TSPO2: variants seen among roughly 807,000 people sequenced by gnomAD.
The protein encoded by TSPO2 is benzodiazapine receptor (peripheral)-like 1.
TSPO2 carries 15 observed loss-of-function variants against 13.3 expected under a neutral mutation model. That is an observed-to-expected ratio of 1.13 (90% CI 0.75 to 1.73). The LOEUF is 1.73. Among genes scored for constraint, TSPO2 ranks in the 40% most tolerant of loss-of-function variants. The pLI is 0.00. For missense variants in TSPO2, 202 were observed against 198.3 expected (o/e 1.02, Z -0.11); for synonymous variants, 81 against 91.6 (o/e 0.88, Z 0.66).
At chr6:41,041,504 G>C (rs1317251239), upstream of TSPO2, among the ~76,000 whole-genome samples, 1 of 152,222 alleles carries the variant, frequency 6.6e-6, no homozygotes, top group Non-Finnish European at 1.5e-5. Context: ...TGGGGGCAGG[G>C]AGGGGCAGGG....
chr6:41,042,658 A>G lies in TSPO2; in HGVS notation c.-141A>G. ...ACCCGGGACCTGATCTCCAGGACTC[A>G]GAAGCACTTGGAGGAAGGCCTATTC... On this transcript the variant is annotated 5_prime_UTR_variant, in exon 1 of 4. Transcript: ENST00000373161. 1 of 518,294 alleles carries G rather than the reference A, an allele frequency of 1.9e-6. No individual in the cohort carries two copies. Among genetic ancestry groups the G allele is most frequent in the South Asian group, 1.5e-5 (1 of 65,060 alleles). The allele number at this position is 518,294 out of a possible 1,614,324, so 32.1% of individuals were successfully genotyped here.
upstream of TSPO2, among the ~76,000 whole-genome samples, chr6:41,041,805 A>G (rs896795653): frequency 2.0e-5 from 3 of 152,004 alleles, no homozygotes; most frequent in African/African-American, 7.2e-5. Flanking sequence ...GCAAAACCCC[A>G]TCTCTACTAA....
rs1297833069 is a variant in TSPO2, at chr6:41,044,165, G to A, written c.*28G>A. On this transcript the variant is annotated 3_prime_UTR_variant, in exon 4 of 4. Transcript: ENST00000373161. The stretch of plus-strand genomic sequence containing the variant: ...CCCTAGGGCATGGGAGAGGAGGGAC[G>A]CCCAGGGTGGGGAGGAAGAGTCTGC... 8.1e-6 allele frequency: 13 copies of A among 1,611,626 alleles called. No homozygotes were observed. The highest frequency in any genetic ancestry group is 2.2e-5 in the East Asian group (1 of 44,876).
chr6:41,043,811 C>A (rs566991951), intron 3 of TSPO2, 113 bp downstream of exon 3: 3 of 1,529,252 alleles, frequency 2.0e-6, no homozygotes, highest in African/African-American at 2.7e-5. Flanking sequence ...AATGGGTGGG[C>A]AGACTTCTCT....
At position 41,044,271 on chromosome 6, in the gene TSPO2, G is replaced by C; in HGVS notation, c.*134G>C. On this transcript the variant is annotated 3_prime_UTR_variant, in exon 4 of 4. Coordinates refer to ENST00000373161, the MANE Select transcript of TSPO2 (RefSeq NM_001010873.3). ...TGGTGCCGTTTTTCCTTAGAAATCA[G>C]AGAAATGGGAAAGGGGGGGAAACTG... 1.3e-6 allele frequency: 1 copy of C among 789,712 alleles called. No individual in the cohort carries two copies. Among genetic ancestry groups the C allele is most frequent in the South Asian group, 1.7e-5 (1 of 58,228 alleles). The allele number at this position is 789,712 out of a possible 1,614,324, so 48.9% of individuals were successfully genotyped here.
In TSPO2 at chr6:41,043,828, C is replaced by T. The variant is rs1182602178; in HGVS notation, c.316-112C>T. 3.9e-6 allele frequency: 6 copies of T among 1,526,010 alleles called. No homozygotes were observed. In the East Asian group the frequency reaches 9.1e-5, roughly 23 times the overall value. The allele number at this position is 1,526,010 out of a possible 1,614,324, so 94.5% of individuals were successfully genotyped here. ...TGGGTGGGCAGACTTCTCTGCACTCCCATGGTGTGCACAGAGCCCCAGGGA... is the reference window on the plus strand; with the variant it reads ...TGGGTGGGCAGACTTCTCTGCACTCTCATGGTGTGCACAGAGCCCCAGGGA... On this transcript the variant is annotated intron_variant, in intron 3 of 3. Coordinates refer to ENST00000373161, the MANE Select transcript of TSPO2 (RefSeq NM_001010873.3).
intron 3 of TSPO2, 95 bp from the exon 4 acceptor site, chr6:41,043,845 C>A: frequency 1.3e-6 from 2 of 1,529,410 alleles, no homozygotes; most frequent in South Asian, 1.2e-5. Context: ...GTGCACAGAG[C>A]CCCAGGGACT....
At position 41,043,598 on chromosome 6, in the gene TSPO2, T is replaced by C. The variant is rs1412312012; in HGVS notation, c.215T>C (p.Leu72Ser). The change falls in exon 3 of 4, where the codon TTG (leucine) becomes TCG (serine). Residue 72 changes from leucine to serine, a missense_variant. Physicochemically the swap from Leu to Ser is moderately radical, Grantham distance 145 (BLOSUM62 -2). Transcript: ENST00000373161. ...YLVWKDLGGG[L>S]GWPLALPLGL... ...GTGTGGAAGGACCTGGGAGGGGGCT[T>C]GGGGTGGCCCCTGGCCCTGCCTCTT... 1 of 1,612,076 alleles carries C rather than the reference T, an allele frequency of 6.2e-7. No homozygotes were observed. Among genetic ancestry groups the C allele is most frequent in the Admixed American group, 1.7e-5 (1 of 59,716 alleles).
chr6:41,043,084 C>A lies in TSPO2; in HGVS notation c.99C>A (p.Gly33=). The part of the protein sequence containing the change: ...TRDHMSGWCE[G]PRMLSWCPFY... The stretch of plus-strand genomic sequence containing the variant: ...ATCACATGTCTGGTTGGTGTGAGGG[C>A]CCGAGGATGCTGTCCTGGTGCCCAT... The change falls in exon 2 of 4, where the codon GGC becomes GGA. Residue 33 remains glycine, a synonymous_variant. Transcript: ENST00000373161. 1 of 1,614,154 alleles carries A rather than the reference C, an allele frequency of 6.2e-7. No individual in the cohort carries two copies. The highest frequency in any genetic ancestry group is 2.2e-5 in the East Asian group (1 of 44,868).
At position 41,044,253 on chromosome 6, in the gene TSPO2, G is replaced by C; in HGVS notation, c.*116G>C. ...CCACCCTCCTGGGTCCCCTGGTGCC[G>C]TTTTTCCTTAGAAATCAGAGAAATG... is the stretch of plus-strand genomic sequence containing the variant. On this transcript the variant is annotated 3_prime_UTR_variant, in exon 4 of 4. Coordinates refer to ENST00000373161, the MANE Select transcript of TSPO2 (RefSeq NM_001010873.3). 9.8e-7 allele frequency: 1 copy of C among 1,018,916 alleles called. No individual in the cohort carries two copies. 63.1% of individuals were successfully genotyped at this position (1,018,916 alleles called of 1,614,324 possible).
rs1762606964 is a variant in TSPO2 at position 41,042,754 on chromosome 6, C to G, written c.-45C>G. ...GAGGAGTGCTGTGGAGAAAAGAAGT[C>G]CATGGAAGCCAGGAGATGGGCAAGG... On this transcript the variant is annotated 5_prime_UTR_variant, in exon 1 of 4. Coordinates refer to ENST00000373161, the MANE Select transcript of TSPO2 (RefSeq NM_001010873.3). 1 of 683,582 alleles carries G rather than the reference C, an allele frequency of 1.5e-6. No homozygotes were observed. The highest frequency in any genetic ancestry group is 2.8e-5 in the East Asian group (1 of 35,500). The allele number at this position is 683,582 out of a possible 1,614,324, so 42.3% of individuals were successfully genotyped here.
rs145766723 is a variant in TSPO2 at position 41,042,485 on chromosome 6, G to A, written c.-314G>A. ...CTGGGACAGATGTGCTGCCGCATTC[G>A]TGACTAGAAAAGAGTCCCCAGGAAT... is the stretch of plus-strand genomic sequence containing the variant. On this transcript the variant is annotated 5_prime_UTR_variant, in exon 1 of 4. The change creates a new upstream start codon in the 5' untranslated region. Transcript: ENST00000373161. 202 of 341,642 alleles carry A rather than the reference G, an allele frequency of 5.9e-4. No homozygotes were observed. The highest frequency in any genetic ancestry group is 4.0e-3 in the African/African-American group (189 of 46,700). The allele number at this position is 341,642 out of a possible 1,614,324, so 21.2% of individuals were successfully genotyped here.
intron 3 of TSPO2, 50 bp downstream of exon 3, chr6:41,043,748 C>T (rs1430501508): frequency 1.5e-5 from 23 of 1,564,594 alleles, no homozygotes; most frequent in Non-Finnish European, 1.9e-5. Flanking sequence ...GAGGGTGAAA[C>T]CACCTGGCTC....
At chr6:41,043,458 A>G (rs1045882337) in intron 2 of TSPO2, 99 bp from the exon 3 acceptor site, 7 of 1,448,134 alleles carry the variant, frequency 4.8e-6, no homozygotes, top group Non-Finnish European at 6.5e-6. Flanking sequence ...CCCCCATTTC[A>G]GCCCACAAGG....
Position 41,042,624 on chromosome 6 carries a change from A to T in TSPO2, c.-175A>T. ...TGGCTAAGCGCTGCCCACTGCAGAA[A>T]AGCTCATCACCCGGGACCTGATCTC... is the stretch of plus-strand genomic sequence containing the variant. On this transcript the variant is annotated 5_prime_UTR_variant, in exon 1 of 4. Transcript: ENST00000373161. 2.1e-6 allele frequency: 1 copy of T among 474,538 alleles called. No homozygotes were observed. Among genetic ancestry groups the T allele is most frequent in the Non-Finnish European group, 4.2e-6 (1 of 240,246 alleles). 29.4% of individuals were successfully genotyped at this position (474,538 alleles called of 1,614,324 possible). A position where few individuals can be genotyped will look rare whatever the true frequency, so the allele number is the denominator to read the frequency against.
rs557368940 is a variant in TSPO2 at position 41,044,056 on chromosome 6, G to A, written c.432G>A (p.Val144=). 2.5e-6 allele frequency: 4 copies of A among 1,614,168 alleles called. No homozygotes were observed. The Admixed American group carries it at 6.7e-5, about 27-fold the overall frequency. The part of the protein sequence containing the change: ...LLLPYLAWLT[V]TSALTYHLWR... ...TGCCCTACCTAGCCTGGCTCACCGT[G>A]ACTTCAGCCCTCACCTACCACCTGT... Residue 144 remains valine, a synonymous_variant, in exon 4 of 4, where the codon GTG becomes GTA. Coordinates refer to ENST00000373161, the MANE Select transcript of TSPO2 (RefSeq NM_001010873.3).
upstream of TSPO2, among the ~76,000 whole-genome samples, chr6:41,041,696 C>G (rs545801784): frequency 6.6e-6 from 1 of 152,236 alleles, no homozygotes; most frequent in African/African-American, 2.4e-5. Flanking sequence ...TGGATTAGGG[C>G]CAGGCACAGT....
Position 41,042,479 on chromosome 6 carries a change from G to A in TSPO2, c.-320G>A, listed in dbSNP as rs1378713057. 2.1e-5 allele frequency: 7 copies of A among 341,302 alleles called. No homozygotes were observed. The highest frequency in any genetic ancestry group is 4.7e-5 in the South Asian group (2 of 42,976). 21.1% of individuals were successfully genotyped at this position (341,302 alleles called of 1,614,324 possible). A position where few individuals can be genotyped will look rare whatever the true frequency, so the allele number is the denominator to read the frequency against. ...ATAAGCCTGGGACAGATGTGCTGCC[G>A]CATTCGTGACTAGAAAAGAGTCCCC... On this transcript the variant is annotated 5_prime_UTR_variant, in exon 1 of 4. Transcript: ENST00000373161.
In TSPO2 at chr6:41,042,584, G is replaced by C. The variant is rs1762603713; in HGVS notation, c.-215G>C. The C allele has an allele frequency of 5.0e-6, 2 of 402,824 alleles. No homozygotes were observed. The highest frequency in any genetic ancestry group is 4.1e-5 in the African/African-American group (2 of 48,580). 25.0% of individuals were successfully genotyped at this position (402,824 alleles called of 1,614,324 possible). A position where few individuals can be genotyped will look rare whatever the true frequency, so the allele number is the denominator to read the frequency against. ...CTTAGGTAGAACAGTTCTCGGTGAG[G>C]GCCAGCTACATACCTGGCTAAGCGC... On this transcript the variant is annotated 5_prime_UTR_variant, in exon 1 of 4. Transcript: ENST00000373161.
Sources: gnomAD v4.1 joint callset for allele counts (sites outside exome capture counted in the v4.1 genomes callset) on GRCh38, gnomAD v4.1.1 for gene constraint, MANE v1.5 for transcripts, NCBI Gene and HGNC (gene_info 2026-07-23, HGNC 2026-07-21) for gene names.